Variants in HFM1 observed in about 807,000 individuals in gnomAD.
The protein encoded by HFM1 is probable ATP-dependent DNA helicase HFM1.
A neutral mutation model predicts 192.1 loss-of-function variants in HFM1; 169 were observed. The observed-to-expected ratio is 0.88, with a 90% confidence interval of 0.78 to 1.00. The LOEUF is 1.00. HFM1 is among the 50% of genes least tolerant of loss of function. The pLI is 0.00. For missense variants in HFM1, 1,661 were observed against 1,668.0 expected, an observed-to-expected ratio of 1.00 and a Z score of 0.07; for synonymous variants, 525 against 537.8, an observed-to-expected ratio of 0.98 and a Z score of 0.33.
intron 23 of HFM1, among the ~76,000 whole-genome samples, chr1:91,322,184 T>A (rs1652217135): frequency 6.6e-6 from 1 of 152,142 alleles, no homozygotes. Flanking sequence ...TGATGAGTTG[T>A]AAACAACAAT....
Position 91,315,986 on chromosome 1 carries a change from CA to C in HFM1, c.2983-15del. On this transcript the variant is annotated splice_polypyrimidine_tract_variant and intron_variant, in intron 27 of 38. Transcript: ENST00000370425. Reference sequence around the variant, plus strand: ...ATATCTTGTAATCTTTAAAAAAGGACAAGTATAAAAAGTGTTAAAAATAACC... The same window carrying C: ...ATATCTTGTAATCTTTAAAAAAGGACAGTATAAAAAGTGTTAAAAATAACC... 6.4e-7 allele frequency: 1 copy of C among 1,567,000 alleles called. No individual in the cohort carries two copies. The highest frequency in any genetic ancestry group is 8.8e-7 in the Non-Finnish European group (1 of 1,142,018).
intron 17 of HFM1, 58 bp downstream of exon 17, chr1:91,351,491 G>T: frequency 3.4e-6 from 3 of 879,878 alleles, no homozygotes; most frequent in South Asian, 3.4e-5. Context: ...TATTTTAAAA[G>T]GAAATAAAAT....
At chr1:91,336,524 G>C (rs1215453007) in intron 20 of HFM1, among the ~76,000 whole-genome samples, 1 of 152,070 alleles carries the variant, frequency 6.6e-6, no homozygotes, top group Non-Finnish European at 1.5e-5. Flanking sequence ...GACTATTGCA[G>C]TTACCACCTA....
intron 30 of HFM1, among the ~76,000 whole-genome samples, chr1:91,277,373 C>T (rs371146757): frequency 6.6e-6 from 1 of 151,136 alleles, no homozygotes; most frequent in African/African-American, 2.4e-5. Flanking sequence ...GCACTTACCA[C>T]CATGCCTGGT....
chr1:91,322,836 T>G, intron 23 of HFM1, 114 bp downstream of exon 23: 1 of 499,122 alleles, frequency 2.0e-6, no homozygotes, highest in Non-Finnish European at 3.4e-6. Flanking sequence ...GAAATTAATT[T>G]CACATCCACA....
rs779871742 is a variant in HFM1, at chr1:91,266,125, A to G, written c.3884-18T>C. 2 of 1,583,108 alleles carry G rather than the reference A, an allele frequency of 1.3e-6. No homozygotes were observed. The highest frequency in any genetic ancestry group is 1.7e-6 in the Non-Finnish European group (2 of 1,169,088). ...TCCAAATCCTATGTGAAGAGATAAC[A>G]TTTTGAAACAAAATGCCAAGAAACA... On this transcript the variant is annotated intron_variant, in intron 35 of 38. Coordinates refer to ENST00000370425, the MANE Select transcript of HFM1 (RefSeq NM_001017975.6).
chr1:91,404,842 G>T (rs1300835088), upstream of HFM1: 3 of 455,438 alleles, frequency 6.6e-6, no homozygotes, highest in Non-Finnish European at 1.3e-5. Context: ...CGATTTATCA[G>T]CCCCTCTGAG....
chr1:91,269,740 T>C (rs941040701), intron 34 of HFM1, among the ~76,000 whole-genome samples: 1 of 152,112 alleles, frequency 6.6e-6, no homozygotes. Flanking sequence ...TGATAACATA[T>C]GAAGGAAGAG....
At chr1:91,299,839 TC>T (rs772645581) in intron 30 of HFM1, among the ~76,000 whole-genome samples, 1 of 152,026 alleles carries the variant, frequency 6.6e-6, no homozygotes, top group Non-Finnish European at 1.5e-5. Context: ...GCAGGAAAGA[TC>T]TAAAATTGAC....
chr1:91,365,562 A>C (rs1160119514), intron 13 of HFM1, among the ~76,000 whole-genome samples: 5 of 152,304 alleles, frequency 3.3e-5, no homozygotes, highest in African/African-American at 1.2e-4. Flanking sequence ...TTGAAAATGA[A>C]TTCTGGGTAC....
Position 91,262,296 on chromosome 1 carries a change from T to A in HFM1, c.4183A>T (p.Lys1395Ter). 1 of 1,496,806 alleles carries A rather than the reference T, an allele frequency of 6.7e-7. No homozygotes were observed. The highest frequency in any genetic ancestry group is 9.1e-7 in the Non-Finnish European group (1 of 1,095,884). The allele number at this position is 1,496,806 out of a possible 1,614,324, so 92.7% of individuals were successfully genotyped here. A position where few individuals can be genotyped will look rare whatever the true frequency, so the allele number is the denominator to read the frequency against. Residue 1395 changes from lysine to a stop codon, truncating the protein, a stop_gained, in exon 38 of 39, where the codon AAA (lysine) becomes TAA (stop). Transcript: ENST00000370425. LOFTEE classifies it high-confidence loss of function. Reference sequence around the variant, plus strand: ...TTTCTAATAAAAAAATCCACTTTTTTATAATTTGAAGAATTTGGGTTTTTT... The same window carrying A: ...TTTCTAATAAAAAAATCCACTTTTTAATAATTTGAAGAATTTGGGTTTTTT... Reference protein sequence around the residue: ...SEKNPNSSNYKKVDFFIRNSE... With the variant: ...SEKNPNSSNY
chr1:91,350,625 T>G (rs1032412741), intron 18 of HFM1, 113 bp downstream of exon 18: 39 of 928,154 alleles, frequency 4.2e-5, no homozygotes, highest in Non-Finnish European at 5.9e-5. Context: ...TTGTTACCTT[T>G]TGTTTTGTTA....
In HFM1 at chr1:91,337,228, T is replaced by C. The variant is rs560224880; in HGVS notation, c.2335+6202A>G. The stretch of plus-strand genomic sequence containing the variant: ...CACATCTGCTCATATACCAGAACAG[T>C]TGAAGCGGGAAAAAATTGGCCTTTT... On this transcript the variant is annotated intron_variant, in intron 20 of 38. Coordinates refer to ENST00000370425, the MANE Select transcript of HFM1 (RefSeq NM_001017975.6). Among the ~76,000 whole-genome samples the C allele has an allele frequency of 2.0e-4, 31 of 152,274 alleles. No individual in the cohort carries two copies. The East Asian group carries it at 3.9e-3, about 19-fold the overall frequency.
rs542825922 is a variant in HFM1 at position 91,404,362 on chromosome 1, C to T, written c.-28+436G>A. 1.8e-4 allele frequency among the ~76,000 whole-genome samples: 27 copies of T among 152,356 alleles called. No individual in the cohort carries two copies. The East Asian group carries it at 4.5e-3, about 25-fold the overall frequency. ...CGGGGCGCTGGGGCGCGTCACTCCACCCCCCGGGTCCCGTTTCCTCCCACC... is the reference window on the plus strand; with the variant it reads ...CGGGGCGCTGGGGCGCGTCACTCCATCCCCCGGGTCCCGTTTCCTCCCACC... On this transcript the variant is annotated intron_variant, in intron 1 of 38. Transcript: ENST00000370425.
Position 91,364,632 on chromosome 1 carries a change from A to ATATATT in HFM1, c.1685+10725_1685+10726insAATATA, listed in dbSNP as rs753472335. Among the ~76,000 whole-genome samples the ATATATT allele has an allele frequency of 4.6e-4, 31 of 66,778 alleles. 2 individuals are homozygous for ATATATT. The highest frequency in any genetic ancestry group is 5.8e-4 in the African/African-American group (9 of 15,566). The allele number at this position is 66,778 out of a possible 152,430, so 43.8% of individuals were successfully genotyped here. On this transcript the variant is annotated intron_variant, in intron 13 of 38. Transcript: ENST00000370425. ...CATATATATATATATATATATATAT[A>ATATATT]TTTTTTTTTTTTTTTTGAGACAGAG...
intron 19 of HFM1, among the ~76,000 whole-genome samples, chr1:91,344,661 A>G (rs1655869881): frequency 4.6e-3 from 2 of 436 alleles, no homozygotes; most frequent in Admixed American, 0.077. Flanking sequence ...ATATAGAATG[A>G]CTGTGTAATT....
intron 30 of HFM1, among the ~76,000 whole-genome samples, chr1:91,301,162 A>G (rs2101035395): frequency 6.6e-6 from 1 of 152,146 alleles, no homozygotes; most frequent in East Asian, 2.0e-4. Context: ...GAGCCAAATC[A>G]TGAGTGAACT....
chr1:91,274,752 G>A lies in HFM1; in HGVS notation c.3646C>T (p.Pro1216Ser). The A allele has an allele frequency of 6.5e-7, 1 of 1,550,364 alleles. No individual in the cohort carries two copies. Among genetic ancestry groups the A allele is most frequent in the South Asian group, 1.1e-5 (1 of 88,260 alleles). The change falls in exon 33 of 39, where the codon CCT (proline) becomes TCT (serine). Residue 1216 changes from proline (P) to serine (S), a missense_variant. Physicochemically the swap from Pro to Ser is moderately conservative, Grantham distance 74. Transcript: ENST00000370425. ...DLKEFGFTPK[P>S]SLPSISRSEY... ...TACCTTGATATACTAGGAAGGGAAGGTTTTGGAGTAAAACCAAACTCTTTA... is the reference window on the plus strand; with the variant it reads ...TACCTTGATATACTAGGAAGGGAAGATTTTGGAGTAAAACCAAACTCTTTA...
intron 13 of HFM1, 39 bp from the exon 14 acceptor site, chr1:91,353,338 G>A: frequency 8.2e-7 from 1 of 1,212,248 alleles, no homozygotes; most frequent in Non-Finnish European, 1.2e-6. Flanking sequence ...GTTACTCCCA[G>A]TAACATTAGA....
Sources: gnomAD v4.1 joint callset for allele counts (sites outside exome capture counted in the v4.1 genomes callset) on GRCh38, gnomAD v4.1.1 for gene constraint, MANE v1.5 for transcripts, NCBI Gene and HGNC (gene_info 2026-07-23, HGNC 2026-07-21) for gene names.